Variants in PRKG1 observed in about 807,000 individuals in gnomAD.
The protein encoded by PRKG1 is protein kinase cGMP-dependent 1.
PRKG1 carries 35 observed loss-of-function variants against 88.1 expected under a neutral mutation model. The observed-to-expected ratio is 0.40, with a 90% CI of 0.30 to 0.53. The LOEUF (loss-of-function observed/expected upper bound fraction) is 0.53, where lower values mean the gene tolerates loss of function less well. Ranked by LOEUF, PRKG1 falls within the 20% of genes least tolerant of loss-of-function variation. PRKG1 has a pLI of 0.59. For synonymous variants in PRKG1, 303 were observed against 292.5 expected (o/e 1.04, Z -0.37); for missense variants, 540 against 839.8 (o/e 0.64, Z 4.41).
intron 2 of PRKG1, among the ~76,000 whole-genome samples, chr10:51,369,350 G>A (rs569329602): frequency 2.6e-5 from 4 of 152,146 alleles, no homozygotes; most frequent in Non-Finnish European, 2.9e-5. Context: ...CATAGGTGGC[G>A]CCTTGTCACT....
At chr10:51,810,084 C>G (rs1484070121) in intron 4 of PRKG1, among the ~76,000 whole-genome samples, 2 of 152,264 alleles carry the variant, frequency 1.3e-5, no homozygotes, top group East Asian at 3.9e-4. Flanking sequence ...GAAAATAGAA[C>G]CTGATATCTC....
At chr10:51,011,332 T>C (rs1842991498) in intron 1 of PRKG1, among the ~76,000 whole-genome samples, 1 of 152,026 alleles carries the variant, frequency 6.6e-6, no homozygotes, top group Non-Finnish European at 1.5e-5. Flanking sequence ...GTAACAGCCC[T>C]CCTGACCACC....
chr10:52,253,859 C>T lies in PRKG1; in HGVS notation c.1173+2193C>T, dbSNP rs534585677. Among the ~76,000 whole-genome samples the T allele has an allele frequency of 4.4e-4, 67 of 151,920 alleles. 1 individual carries two copies. In the South Asian group the frequency reaches 8.5e-3, roughly 19 times the overall value. On this transcript the variant is annotated intron_variant, in intron 10 of 17. Coordinates refer to ENST00000373980, the MANE Select transcript of PRKG1 (RefSeq NM_006258.4). ...ATTGGGTACAACTTCTACATCGGGA[C>T]GGAGTGCACGTCCTTAACCTTTTAC...
intron 5 of PRKG1, among the ~76,000 whole-genome samples, chr10:52,015,314 G>T (rs1318113175): frequency 2.0e-4 from 30 of 152,188 alleles, no homozygotes; most frequent in Non-Finnish European, 1.5e-5. Context: ...ACGGTTTGGG[G>T]CTTGAACCCT....
chr10:52,038,300 CG>C (rs1564442089), intron 5 of PRKG1, among the ~76,000 whole-genome samples: 1 of 148,138 alleles, frequency 6.8e-6, no homozygotes, highest in South Asian at 2.2e-4. Context: ...GGAAGGGGTT[CG>C]GGGGTTCTTA....
At chr10:51,057,492 A>G (rs1039127594) in intron 1 of PRKG1, among the ~76,000 whole-genome samples, 1 of 152,192 alleles carries the variant, frequency 6.6e-6, no homozygotes, top group Non-Finnish European at 1.5e-5. Context: ...CAGCAGTATA[A>G]TCACCACTCA....
At chr10:52,078,304 TA>T (rs1846683304) in intron 7 of PRKG1, among the ~76,000 whole-genome samples, 1 of 152,210 alleles carries the variant, frequency 6.6e-6, no homozygotes, top group Non-Finnish European at 1.5e-5. Context: ...GATAAAATTT[TA>T]AAATAACCAC....
chr10:51,403,717 A>G (rs1354173502), intron 2 of PRKG1, among the ~76,000 whole-genome samples: 1 of 152,180 alleles, frequency 6.6e-6, no homozygotes, highest in Non-Finnish European at 1.5e-5. Context: ...GGAACTTTAA[A>G]TAGAATACTT....
intron 3 of PRKG1, among the ~76,000 whole-genome samples, chr10:51,739,273 T>C (rs1164341958): frequency 6.6e-6 from 1 of 152,194 alleles, no homozygotes; most frequent in Non-Finnish European, 1.5e-5. Flanking sequence ...AATGGATAAA[T>C]AAGGACATTA....
chr10:51,096,112 G>A (rs774006593), intron 1 of PRKG1, among the ~76,000 whole-genome samples: 5 of 151,890 alleles, frequency 3.3e-5, no homozygotes, highest in Non-Finnish European at 7.4e-5. Flanking sequence ...ATTTAGTAGT[G>A]TTTCTTTTTT....
At chr10:51,122,956 A>C (rs140904875) in intron 1 of PRKG1, among the ~76,000 whole-genome samples, 1 of 152,166 alleles carries the variant, frequency 6.6e-6, no homozygotes, top group South Asian at 2.1e-4. Flanking sequence ...TAATCATAAC[A>C]TTTCCCCTGC....
intron 5 of PRKG1, among the ~76,000 whole-genome samples, chr10:51,973,371 C>G (rs931821100): frequency 2.0e-5 from 3 of 152,154 alleles, no homozygotes; most frequent in Non-Finnish European, 4.4e-5. Context: ...GTAAAAGTAG[C>G]ACCATCCTCC....
chr10:51,925,950 A>G (rs1042020989), intron 5 of PRKG1, among the ~76,000 whole-genome samples: 3 of 152,172 alleles, frequency 2.0e-5, no homozygotes, highest in Non-Finnish European at 4.4e-5. Flanking sequence ...TAAAAAATAT[A>G]AAATATAATC....
At chr10:51,871,675 G>A (rs1327493100) in intron 4 of PRKG1, among the ~76,000 whole-genome samples, 1 of 152,182 alleles carries the variant, frequency 6.6e-6, no homozygotes, top group Non-Finnish European at 1.5e-5. Context: ...CTTCCACCAT[G>A]GATTGCTACA....
At chr10:51,653,555 T>C (rs184424048) in intron 3 of PRKG1, among the ~76,000 whole-genome samples, 246 of 152,244 alleles carry the variant, frequency 1.6e-3, no homozygotes, top group Middle Eastern at 0.01. Context: ...TTTTCTTTTC[T>C]CTGACTATTT....
intron 2 of PRKG1, among the ~76,000 whole-genome samples, chr10:51,456,359 A>G (rs1366149915): frequency 6.6e-6 from 1 of 152,188 alleles, no homozygotes; most frequent in Non-Finnish European, 1.5e-5. Flanking sequence ...ACTATTCAAT[A>G]AATGGTGCTG....
intron 3 of PRKG1, among the ~76,000 whole-genome samples, chr10:51,476,721 C>T (rs1840206162): frequency 1.3e-5 from 2 of 152,004 alleles, no homozygotes; most frequent in Admixed American, 1.3e-4. Flanking sequence ...CCTCCAGGAG[C>T]TCCATCCAGT....
chr10:52,251,733 A>C (rs1232657145), intron 10 of PRKG1, 67 bp downstream of exon 10: 6 of 1,279,106 alleles, frequency 4.7e-6, no homozygotes, highest in Non-Finnish European at 6.7e-6. Context: ...CCCCTAGATT[A>C]AGATTTCTTT....
intron 4 of PRKG1, among the ~76,000 whole-genome samples, chr10:51,884,078 TAAATA>T (rs1841502544): frequency 7.6e-6 from 1 of 132,100 alleles, no homozygotes; most frequent in African/African-American, 2.8e-5. Context: ...ACCACTCAAG[TAAATA>T]ATAAGAATGA....
Sources: allele counts gnomAD v4.1 joint callset (sites outside exome capture counted in the v4.1 genomes callset), GRCh38; gene constraint gnomAD v4.1.1; transcripts MANE v1.5; gene names NCBI Gene and HGNC (gene_info 2026-07-23, HGNC 2026-07-21).